CRISPLD2: variants seen among roughly 807,000 people sequenced by gnomAD.
CRISPLD2 encodes the protein cysteine-rich secretory protein LCCL domain-containing 2.
CRISPLD2 carries 47 observed loss-of-function variants against 71.1 expected under a neutral mutation model. The ratio of observed to expected loss-of-function variants is 0.66; its 90% confidence interval spans 0.52 to 0.84. CRISPLD2 has a LOEUF of 0.84. Ranked by LOEUF, CRISPLD2 falls within the 40% of genes least tolerant of loss-of-function variation. The pLI is 0.00. For synonymous variants in CRISPLD2, 317 were observed against 250.1 expected, an observed-to-expected ratio of 1.27 and a Z score of -2.52; for missense variants, 830 against 651.1, an observed-to-expected ratio of 1.27 and a Z score of -2.99.
chr16:84,860,916 G>A (rs1222566977), intron 6 of CRISPLD2, among the ~76,000 whole-genome samples: 1 of 152,122 alleles, frequency 6.6e-6, no homozygotes, highest in Non-Finnish European at 1.5e-5. Flanking sequence ...ATCTGCTTCT[G>A]AAGCCGGAAG....
chr16:84,873,906 T>A lies in CRISPLD2; in HGVS notation c.1113-14T>A. On this transcript the variant is annotated splice_polypyrimidine_tract_variant and intron_variant, in intron 10 of 14. Coordinates refer to ENST00000262424, the MANE Select transcript of CRISPLD2 (RefSeq NM_031476.4). ...TACCTAATGCCCGTTTTTTTTTTTTTTTTTTTTAAACAGCAAATACAAACC... is the reference window on the plus strand; with the variant it reads ...TACCTAATGCCCGTTTTTTTTTTTTATTTTTTTAAACAGCAAATACAAACC... 1.3e-6 allele frequency: 2 copies of A among 1,579,242 alleles called. 1 individual carries two copies. The highest frequency in any genetic ancestry group is 3.4e-4 in the Middle Eastern group (2 of 5,874).
chr16:84,895,014 A>T (rs2071694028), intron 14 of CRISPLD2, among the ~76,000 whole-genome samples: 1 of 152,192 alleles, frequency 6.6e-6, no homozygotes, highest in Non-Finnish European at 1.5e-5. Context: ...AGGCTGGGAC[A>T]TGAGGTTCTC....
chr16:84,848,257 C>CA (rs1254205706), intron 3 of CRISPLD2, among the ~76,000 whole-genome samples: 3 of 152,192 alleles, frequency 2.0e-5, no homozygotes, highest in Non-Finnish European at 4.4e-5. Context: ...CGCCTTTCTG[C>CA]AAATGCCGCT....
In CRISPLD2 at chr16:84,873,001, A is replaced by T; in HGVS notation, c.991A>T (p.Ile331Leu). The T allele has an allele frequency of 6.2e-7, 1 of 1,612,976 alleles. No homozygotes were observed. The highest frequency in any genetic ancestry group is 8.5e-7 in the Non-Finnish European group (1 of 1,179,560). ...GTLFYESSSS[I>L]CRAAIHYGIL... ...CTTCCCTTCCCGCCAGTCGTCTAGC[A>T]TATGCCGCGCCGCCATCCACTACGG... is the stretch of plus-strand genomic sequence containing the variant. Residue 331 changes from isoleucine (I) to leucine (L), a missense_variant, in exon 10 of 15, where the codon ATA becomes TTA. Coordinates refer to ENST00000262424, the MANE Select transcript of CRISPLD2 (RefSeq NM_031476.4).
chr16:84,830,562 G>C (rs1232919484), intron 1 of CRISPLD2, among the ~76,000 whole-genome samples: 2 of 152,020 alleles, frequency 1.3e-5, no homozygotes, highest in African/African-American at 2.4e-5. Flanking sequence ...AATTAGCCAG[G>C]CGTGGTGGCA....
intron 1 of CRISPLD2, among the ~76,000 whole-genome samples, chr16:84,827,876 C>T (rs1031279726): frequency 5.3e-5 from 8 of 152,134 alleles, no homozygotes; most frequent in African/African-American, 1.4e-4. Context: ...CTACAGTGCC[C>T]TTTCTTTAAG....
Position 84,849,457 on chromosome 16 carries a change from C to T in CRISPLD2, c.432C>T (p.Ser144=), listed in dbSNP as rs138500867. The T allele has an allele frequency of 7.4e-6, 12 of 1,614,028 alleles. No individual in the cohort carries two copies. Among genetic ancestry groups the T allele is most frequent in the Admixed American group, 1.7e-5 (1 of 60,010 alleles). ...AGGACTACACCTACCCCTACCCGAG[C>T]GAGTGCAACCCCTGGTGTCCAGAGA... is the stretch of plus-strand genomic sequence containing the variant. ...EVKDYTYPYP[S]ECNPWCPERC... Residue 144 remains serine, a synonymous_variant, in exon 4 of 15, where the codon AGC becomes AGT. Transcript: ENST00000262424.
chr16:84,854,868 C>T, intron 6 of CRISPLD2, 39 bp downstream of exon 6: 1 of 1,494,894 alleles, frequency 6.7e-7, no homozygotes, highest in Non-Finnish European at 9.3e-7. Flanking sequence ...AATGAATTTG[C>T]CCTCAGTCTG....
At chr16:84,886,265 A>G (rs2071612373) in intron 13 of CRISPLD2, among the ~76,000 whole-genome samples, 1 of 152,144 alleles carries the variant, frequency 6.6e-6, no homozygotes, top group African/African-American at 2.4e-5. Context: ...TGCTTGTCCC[A>G]TTTAAAGGGC....
chr16:84,886,142 G>A (rs909252699), intron 13 of CRISPLD2, among the ~76,000 whole-genome samples: 1 of 152,038 alleles, frequency 6.6e-6, no homozygotes, highest in African/African-American at 2.4e-5. Flanking sequence ...TGCCCACCTC[G>A]GCCTCCCAAA....
intron 1 of CRISPLD2, among the ~76,000 whole-genome samples, chr16:84,835,296 G>A (rs1916590721): frequency 6.6e-6 from 1 of 152,042 alleles, no homozygotes; most frequent in Non-Finnish European, 1.5e-5. Context: ...CTCCGTGTTG[G>A]CCAGGCTGGT....
chr16:84,849,746 C>T (rs1917029265), intron 4 of CRISPLD2, among the ~76,000 whole-genome samples: 1 of 149,652 alleles, frequency 6.7e-6, no homozygotes, highest in Admixed American at 6.8e-5. Flanking sequence ...GGCAGTGTCT[C>T]CCTGCTACCT....
chr16:84,871,543 T>G (rs1386893313), intron 8 of CRISPLD2, among the ~76,000 whole-genome samples: 1 of 151,332 alleles, frequency 6.6e-6, no homozygotes, highest in African/African-American at 2.4e-5. Flanking sequence ...TTTCTTGGGG[T>G]TTTGTTTGTT....
intron 13 of CRISPLD2, among the ~76,000 whole-genome samples, chr16:84,885,012 C>G (rs929463223): frequency 2.6e-5 from 4 of 152,212 alleles, no homozygotes; most frequent in Admixed American, 6.5e-5. Context: ...GCGAGCAATG[C>G]TGAGAGAGAC....
chr16:84,894,912 A>G (rs114134309), intron 14 of CRISPLD2, among the ~76,000 whole-genome samples: 95 of 151,886 alleles, frequency 6.3e-4, no homozygotes, highest in African/African-American at 2.2e-3. Context: ...AGATCTCGCT[A>G]TGGGTCTAGA....
At chr16:84,870,626 ATTTT>A (rs2071460280) in intron 8 of CRISPLD2, among the ~76,000 whole-genome samples, 1 of 151,820 alleles carries the variant, frequency 6.6e-6, no homozygotes, top group Non-Finnish European at 1.5e-5. Context: ...CTGCTTATGT[ATTTT>A]CACTTAGTAT....
chr16:84,885,211 G>C (rs1477157785), intron 13 of CRISPLD2, among the ~76,000 whole-genome samples: 1 of 152,204 alleles, frequency 6.6e-6, no homozygotes. Flanking sequence ...CAAGGCTTCC[G>C]CCTGCCGGAA....
At chr16:84,840,920 A>T (rs1327396711) in intron 2 of CRISPLD2, among the ~76,000 whole-genome samples, 2 of 152,104 alleles carry the variant, frequency 1.3e-5, no homozygotes, top group African/African-American at 2.4e-5. Flanking sequence ...TCAACTGGTG[A>T]ATTCTATGTA....
rs1459958970 is a variant in CRISPLD2, at chr16:84,872,370, A to G, written c.915-72A>G. On this transcript the variant is annotated intron_variant, in intron 8 of 14. Transcript: ENST00000262424. ...TTAGTAATAGAGCCATCGATGAAAA[A>G]AATGATAAACTCATTGTGAGATGTA... The G allele has an allele frequency of 3.9e-6, 5 of 1,276,898 alleles. No homozygotes were observed. The East Asian group carries it at 1.2e-4, about 30-fold the overall frequency. 79.1% of individuals were successfully genotyped at this position (1,276,898 alleles called of 1,614,324 possible).
Sources: allele counts gnomAD v4.1 joint callset (sites outside exome capture counted in the v4.1 genomes callset), GRCh38; gene constraint gnomAD v4.1.1; transcripts MANE v1.5; gene names NCBI Gene and HGNC (gene_info 2026-07-23, HGNC 2026-07-21).